Variants in GPC6 observed in about 807,000 individuals in gnomAD.
GPC6 encodes glypican-6.
A neutral mutation model predicts 55.2 loss-of-function variants in GPC6; 14 were observed. The ratio of observed to expected loss-of-function variants is 0.25; its 90% CI spans 0.17 to 0.40. The LOEUF is 0.40. Among genes scored for constraint, GPC6 ranks in the 10% least tolerant of loss-of-function variants. GPC6 has a pLI of 1.00. For synonymous variants in GPC6, 278 were observed against 259.6 expected (o/e 1.07, Z -0.68); for missense variants, 641 against 708.5 (o/e 0.90, Z 1.08).
chr13:93,732,150 C>G (rs906316023), intron 2 of GPC6, among the ~76,000 whole-genome samples: 1 of 152,126 alleles, frequency 6.6e-6, no homozygotes, highest in African/African-American at 2.4e-5. Flanking sequence ...ATCACATCTC[C>G]CTTGTCCTAT....
At chr13:93,216,605 A>T in the GPC6 span, among the ~76,000 whole-genome samples, 1 of 152,170 alleles carries the variant, frequency 6.6e-6, no homozygotes, top group East Asian at 1.9e-4. Context: ...TAGACTAGAC[A>T]GCCAGGGACT....
intron 5 of GPC6, among the ~76,000 whole-genome samples, chr13:94,305,250 A>T (rs1260257097): frequency 2.0e-5 from 3 of 152,232 alleles, no homozygotes; most frequent in Non-Finnish European, 2.9e-5. Flanking sequence ...GGCTCCTGCA[A>T]GCCACTGGGC....
At chr13:93,851,780 G>T (rs750903765) in intron 3 of GPC6, among the ~76,000 whole-genome samples, 52 of 151,706 alleles carry the variant, frequency 3.4e-4, no homozygotes, top group Non-Finnish European at 5.9e-4. Context: ...ACAGGATTTT[G>T]TGTACCAAGT....
At chr13:93,657,377 C>G (rs1880720321) in intron 2 of GPC6, among the ~76,000 whole-genome samples, 1 of 152,042 alleles carries the variant, frequency 6.6e-6, no homozygotes, top group Non-Finnish European at 1.5e-5. Context: ...ATAAATAATG[C>G]TGAGATAACC....
At chr13:93,439,830 G>A (rs1455496866) in intron 1 of GPC6, among the ~76,000 whole-genome samples, 1 of 152,052 alleles carries the variant, frequency 6.6e-6, no homozygotes, top group African/African-American at 2.4e-5. Context: ...TACGCATCTT[G>A]TTTGTACCTT....
chr13:93,763,478 C>T (rs1357344497), intron 2 of GPC6, among the ~76,000 whole-genome samples: 1 of 152,144 alleles, frequency 6.6e-6, no homozygotes, highest in African/African-American at 2.4e-5. Flanking sequence ...TGGGTAGCCC[C>T]CAGCTGTTTC....
chr13:93,293,247 A>G (rs1043530842), intron 1 of GPC6, among the ~76,000 whole-genome samples: 2 of 152,108 alleles, frequency 1.3e-5, no homozygotes, highest in Non-Finnish European at 2.9e-5. Flanking sequence ...TTAGGGGGAA[A>G]AAAACAATTA....
At chr13:93,602,693 C>T (rs921098074) in intron 2 of GPC6, among the ~76,000 whole-genome samples, 1 of 152,024 alleles carries the variant, frequency 6.6e-6, no homozygotes, top group Non-Finnish European at 1.5e-5. Flanking sequence ...GGATGCAAGA[C>T]CCAAATACAT....
At chr13:93,923,631 T>A (rs565882888) in intron 3 of GPC6, among the ~76,000 whole-genome samples, 3 of 152,332 alleles carry the variant, frequency 2.0e-5, no homozygotes, top group South Asian at 4.1e-4. Context: ...TCTTTTTGTA[T>A]AACTTACCCA....
intron 4 of GPC6, among the ~76,000 whole-genome samples, chr13:94,252,346 A>G (rs1326660880): frequency 6.6e-6 from 1 of 152,110 alleles, no homozygotes. Flanking sequence ...TTGTTCGACG[A>G]CCAGGTCATG....
intron 3 of GPC6, among the ~76,000 whole-genome samples, chr13:94,016,961 A>G (rs879487677): frequency 6.6e-6 from 1 of 151,750 alleles, no homozygotes; most frequent in Non-Finnish European, 1.5e-5. Context: ...CAACCTCCTG[A>G]GTAGCTGGGA....
intron 6 of GPC6, among the ~76,000 whole-genome samples, chr13:94,364,842 G>A (rs1282115153): frequency 6.6e-6 from 1 of 152,088 alleles, no homozygotes; most frequent in Non-Finnish European, 1.5e-5. Context: ...CTATAATATA[G>A]GGAAGCTTAC....
chr13:93,651,001 G>A (rs1880385871), intron 2 of GPC6, among the ~76,000 whole-genome samples: 1 of 152,044 alleles, frequency 6.6e-6, no homozygotes, highest in Non-Finnish European at 1.5e-5. Flanking sequence ...AAGTATATGT[G>A]AAAAACCAAA....
At chr13:94,085,855 T>C (rs1243415410) in intron 4 of GPC6, among the ~76,000 whole-genome samples, 2 of 152,178 alleles carry the variant, frequency 1.3e-5, no homozygotes, top group Non-Finnish European at 1.5e-5. Flanking sequence ...TGGAAATATT[T>C]ATGTAAAAAA....
chr13:93,398,012 AT>A (rs1265048074), intron 1 of GPC6, among the ~76,000 whole-genome samples: 2 of 152,118 alleles, frequency 1.3e-5, no homozygotes, highest in Non-Finnish European at 2.9e-5. Flanking sequence ...CCAATAGTAA[AT>A]TTGTTCTGGG....
chr13:94,182,695 G>A (rs894935897), intron 4 of GPC6, among the ~76,000 whole-genome samples: 5 of 152,142 alleles, frequency 3.3e-5, no homozygotes, highest in African/African-American at 9.7e-5. Context: ...ATGATCACAG[G>A]TTGTCCACAC....
chr13:94,217,658 C>T (rs1271699512), intron 4 of GPC6, among the ~76,000 whole-genome samples: 1 of 152,156 alleles, frequency 6.6e-6, no homozygotes, highest in Non-Finnish European at 1.5e-5. Flanking sequence ...TGAAAAACTG[C>T]TATCATCCCC....
At chr13:94,089,911 C>T (rs901633285) in intron 4 of GPC6, among the ~76,000 whole-genome samples, 2 of 152,082 alleles carry the variant, frequency 1.3e-5, no homozygotes, top group African/African-American at 4.8e-5. Flanking sequence ...ATAGAGACCA[C>T]ACGTTAGGTA....
chr13:93,640,428 A>G (rs1879864784), intron 2 of GPC6, among the ~76,000 whole-genome samples: 1 of 152,102 alleles, frequency 6.6e-6, no homozygotes, highest in Non-Finnish European at 1.5e-5. Flanking sequence ...CGGCTTGGAA[A>G]GAATAAATAA....
Sources: gnomAD v4.1 joint callset for allele counts (sites outside exome capture counted in the v4.1 genomes callset) on GRCh38, gnomAD v4.1.1 for gene constraint, MANE v1.5 for transcripts, NCBI Gene and HGNC (gene_info 2026-07-23, HGNC 2026-07-21) for gene names.